B3GALNT2: variants seen among roughly 807,000 people sequenced by gnomAD.
The protein encoded by B3GALNT2 is beta-1,3-N-acetylgalactosaminyltransferase 2.
B3GALNT2 carries 53 observed loss-of-function variants against 61.1 expected under a neutral mutation model. That is an observed-to-expected ratio of 0.87 (90% CI 0.70 to 1.09). The LOEUF (loss-of-function observed/expected upper bound fraction) is 1.09, where lower values mean the gene tolerates loss of function less well. Among genes scored for constraint, B3GALNT2 ranks in the 50% least tolerant of loss-of-function variants. The pLI, the probability that B3GALNT2 is intolerant of heterozygous loss-of-function variation, is 0.00. For synonymous variants in B3GALNT2, 223 were observed against 237.4 expected (o/e 0.94, Z 0.56); for missense variants, 544 against 623.0 (o/e 0.87, Z 1.35).
intron 2 of B3GALNT2, 28 bp from the exon 3 acceptor site, chr1:235,489,296 G>C (rs184009702): frequency 1.2e-6 from 2 of 1,610,638 alleles, no homozygotes; most frequent in African/African-American, 2.7e-5. Flanking sequence ...ATTAACATCA[G>C]TTACTGATCT....
In B3GALNT2 at chr1:235,455,476, CA is replaced by C. The variant is rs541342884; in HGVS notation, c.1151+82del. On this transcript the variant is annotated intron_variant, in intron 9 of 11. Transcript: ENST00000366600. ...AAATTGTATATCTCAACCACATTTT[CA>C]AAAAAAAAAGATATTTTATGCTTTA... 4,255 of 1,253,468 alleles carry C rather than the reference CA, an allele frequency of 3.4e-3. 1 individual carries two copies. The highest frequency in any genetic ancestry group is 6.8e-3 in the East Asian group (249 of 36,368). 77.6% of individuals were successfully genotyped at this position (1,253,468 alleles called of 1,614,324 possible).
In B3GALNT2 at chr1:235,448,339, CTTT is replaced by C. The variant is rs766904505; in HGVS notation, c.*1864_*1866del. 1 of 1,612,300 alleles carries C rather than the reference CTTT, an allele frequency of 6.2e-7. No individual in the cohort carries two copies. The highest frequency in any genetic ancestry group is 8.5e-7 in the Non-Finnish European group (1 of 1,178,992). ...GAGAGAACGAATGGACTTTTCTTGTCTTTTGATAGGCTCCATGACAATTCAAAA... is the reference window on the plus strand; with the variant it reads ...GAGAGAACGAATGGACTTTTCTTGTCTGATAGGCTCCATGACAATTCAAAA... On this transcript the variant is annotated 3_prime_UTR_variant, in exon 12 of 12. Coordinates refer to ENST00000366600, the MANE Select transcript of B3GALNT2 (RefSeq NM_152490.5).
In B3GALNT2 at chr1:235,449,090, T is replaced by TGTCA. The variant is rs1682714656; in HGVS notation, c.*1112_*1115dup. 2 of 320,272 alleles carry TGTCA rather than the reference T, an allele frequency of 6.2e-6. No individual in the cohort carries two copies. Among genetic ancestry groups the TGTCA allele is most frequent in the East Asian group, 8.3e-5 (1 of 12,112 alleles). 19.8% of individuals were successfully genotyped at this position (320,272 alleles called of 1,614,324 possible). On this transcript the variant is annotated 3_prime_UTR_variant, in exon 12 of 12. Coordinates refer to ENST00000366600, the MANE Select transcript of B3GALNT2 (RefSeq NM_152490.5). Reference sequence around the variant, plus strand: ...ATAAAATCTGAACACAGTTAATATCTGTCATAAGACTAGTTTTAATGGAAT... The same window carrying TGTCA: ...ATAAAATCTGAACACAGTTAATATCTGTCAGTCATAAGACTAGTTTTAATGGAAT...
intron 2 of B3GALNT2, among the ~76,000 whole-genome samples, chr1:235,491,885 A>G (rs888144570): frequency 6.6e-6 from 1 of 151,886 alleles, no homozygotes; most frequent in African/African-American, 2.4e-5. Context: ...CTGTGCCACA[A>G]CCCTTCCCCC....
chr1:235,480,102 C>T lies in B3GALNT2; in HGVS notation c.603G>A (p.Gln201=). 6.2e-7 allele frequency: 1 copy of T among 1,613,918 alleles called. No individual in the cohort carries two copies. Among genetic ancestry groups the T allele is most frequent in the Non-Finnish European group, 8.5e-7 (1 of 1,179,826 alleles). ...CGGGCTTGTACCACAGCTTGTTCACCTGCACACCACAGCTTGGAGGACTGA... is the reference window on the plus strand; with the variant it reads ...CGGGCTTGTACCACAGCTTGTTCACTTGCACACCACAGCTTGGAGGACTGA... ...ARFSPPSCGV[Q]VNKLWYKPVE... Residue 201 remains glutamine (Q), a synonymous_variant, in exon 5 of 12, where the codon CAG becomes CAA. Coordinates refer to ENST00000366600, the MANE Select transcript of B3GALNT2 (RefSeq NM_152490.5).
rs12751727 is a variant in B3GALNT2, at chr1:235,448,021, C to T, written c.*2185G>A. 3.0e-3 allele frequency among the ~76,000 whole-genome samples: 456 copies of T among 152,022 alleles called. 3 individuals are homozygous for T. Among genetic ancestry groups the T allele is most frequent in the Non-Finnish European group, 4.3e-3 (289 of 67,962 alleles). On this transcript the variant is annotated 3_prime_UTR_variant, in exon 12 of 12. Coordinates refer to ENST00000366600, the MANE Select transcript of B3GALNT2 (RefSeq NM_152490.5). ...GTCAGGAGTTCAAGACCAGCCTGGCCAACATGGTGAAACCCCGTCTCTACT... is the reference window on the plus strand; with the variant it reads ...GTCAGGAGTTCAAGACCAGCCTGGCTAACATGGTGAAACCCCGTCTCTACT...
rs765281101 is a variant in B3GALNT2, at chr1:235,470,856, G to T, written c.756C>A (p.Val252=). The T allele has an allele frequency of 2.5e-6, 4 of 1,613,402 alleles. No homozygotes were observed. Among genetic ancestry groups the T allele is most frequent in the Admixed American group, 1.7e-5 (1 of 59,960 alleles). ...TTAAAAAAAAACGACTTACTGTAAT[G>T]ACTCTGAGAACTCCCCCTCCATCAT... The part of the protein sequence containing the change: ...TVNDGGGVLR[V]ITAGEGALPH... Residue 252 remains valine, a synonymous_variant, in exon 6 of 12, where the codon GTC becomes GTA. Transcript: ENST00000366600.
At chr1:235,476,879 G>T (rs1684310007) in intron 5 of B3GALNT2, among the ~76,000 whole-genome samples, 1 of 151,302 alleles carries the variant, frequency 6.6e-6, no homozygotes, top group Non-Finnish European at 1.5e-5. Context: ...AAAAAATTTA[G>T]TTGGGTCTGG....
chr1:235,460,770 C>T (rs977098009), intron 7 of B3GALNT2, among the ~76,000 whole-genome samples: 1 of 151,452 alleles, frequency 6.6e-6, no homozygotes, highest in South Asian at 2.1e-4. Context: ...GATGGGGTCT[C>T]GCTATGTTGT....
chr1:235,443,736 A>G (rs920587884), downstream of B3GALNT2, among the ~76,000 whole-genome samples: 3 of 152,314 alleles, frequency 2.0e-5, no homozygotes, highest in South Asian at 2.1e-4. Context: ...TGCAAAAACA[A>G]TTCGCAGATG....
At position 235,494,796 on chromosome 1, in the gene B3GALNT2, T is replaced by A. The variant is rs772041542; in HGVS notation, c.145A>T (p.Thr49Ser). ...ACGCCAACTACCACATCATAGTGAG[T>A]AGATTTCCACTGAGGAAATAAGGCC... ...QLALFPQWKS[T>S]HYDVVVGVLS... The change falls in exon 2 of 12, where the codon ACT becomes TCT. Residue 49 changes from threonine (T) to serine (S), a missense_variant. Coordinates refer to ENST00000366600, the MANE Select transcript of B3GALNT2 (RefSeq NM_152490.5). The A allele has an allele frequency of 1.5e-5, 24 of 1,611,302 alleles. No individual in the cohort carries two copies. Among genetic ancestry groups the A allele is most frequent in the Non-Finnish European group, 2.0e-5 (24 of 1,177,702 alleles).
In B3GALNT2 at chr1:235,469,751, G is replaced by A. The variant is rs1384951462; in HGVS notation, c.762+1099C>T. Among the ~76,000 whole-genome samples, 5 of 150,882 alleles carry A rather than the reference G, an allele frequency of 3.3e-5. No homozygotes were observed. In the East Asian group the frequency reaches 5.8e-4, roughly 18 times the overall value. On this transcript the variant is annotated intron_variant, in intron 6 of 11. Transcript: ENST00000366600. ...TTTTTTTTGGATTTTTAGTAGAGAC[G>A]GGGTTTCACCATGTTGGCCAGGCTG...
At chr1:235,450,587 C>A in intron 11 of B3GALNT2, 2 of 458,628 alleles carry the variant, frequency 4.4e-6, no homozygotes, top group Non-Finnish European at 7.9e-6. Context: ...AGTTAGTCAA[C>A]AAATGCCATT....
downstream of B3GALNT2, among the ~76,000 whole-genome samples, chr1:235,443,183 C>CATATATAT (rs202164530): frequency 2.1e-5 from 3 of 145,156 alleles, no homozygotes; most frequent in African/African-American, 5.3e-5. Flanking sequence ...CACACACACA[C>CATATATAT]ACATATATAT....
At chr1:235,441,736 CTTTG>C in the B3GALNT2 span, 1,274 of 1,363,436 alleles carry the variant, frequency 9.3e-4, 4 homozygotes, top group East Asian at 0.012. Flanking sequence ...CTTACCTATC[CTTTG>C]TTTGTTTGTT....
chr1:235,477,306 C>G (rs115278782), intron 5 of B3GALNT2, among the ~76,000 whole-genome samples: 2 of 152,156 alleles, frequency 1.3e-5, no homozygotes, highest in Non-Finnish European at 2.9e-5. Context: ...TCTCCACACA[C>G]ACTTTTCTGT....
At position 235,488,692 on chromosome 1, in the gene B3GALNT2, C is replaced by CAAAAAAA. The variant is rs11436508; in HGVS notation, c.361+469_361+475dup. On this transcript the variant is annotated intron_variant, in intron 3 of 11. Coordinates refer to ENST00000366600, the MANE Select transcript of B3GALNT2 (RefSeq NM_152490.5). Reference sequence around the variant, plus strand: ...GGACAACAGAGCAAGACTCCATCTCCAAAAAAAAAAAAAAAAAAAAAAAAA... The same window carrying CAAAAAAA: ...GGACAACAGAGCAAGACTCCATCTCCAAAAAAAAAAAAAAAAAAAAAAAAAAAAAAAA... Among the ~76,000 whole-genome samples the CAAAAAAA allele has an allele frequency of 8.2e-4, 31 of 38,014 alleles. 1 individual carries two copies. Among genetic ancestry groups the CAAAAAAA allele is most frequent in the Non-Finnish European group, 4.4e-4 (10 of 22,960 alleles). 24.9% of individuals were successfully genotyped at this position (38,014 alleles called of 152,430 possible). A position where few individuals can be genotyped will look rare whatever the true frequency, so the allele number is the denominator to read the frequency against.
chr1:235,441,684 G>GC, the B3GALNT2 span: 3 of 774,332 alleles, frequency 3.9e-6, no homozygotes, highest in Non-Finnish European at 6.6e-6. Flanking sequence ...CTGAATAAAG[G>GC]CAGCTCCATG....
At chr1:235,498,153 C>T (rs1189652298) in intron 1 of B3GALNT2, among the ~76,000 whole-genome samples, 2 of 152,156 alleles carry the variant, frequency 1.3e-5, no homozygotes, top group African/African-American at 2.4e-5. Flanking sequence ...CTGTGTTACA[C>T]AGTACAAAAC....
Sources: gnomAD v4.1 joint callset for allele counts (sites outside exome capture counted in the v4.1 genomes callset) on GRCh38, gnomAD v4.1.1 for gene constraint, MANE v1.5 for transcripts, NCBI Gene and HGNC (gene_info 2026-07-23, HGNC 2026-07-21) for gene names.